The following QSOX2 variants were observed in gnomAD, a reference collection of about 807,000 sequenced individuals.
QSOX2 encodes the protein sulfhydryl oxidase 2.
In QSOX2, 46 loss-of-function variants were observed where a neutral mutation model predicts 61.7. That is an observed-to-expected ratio of 0.75 (90% confidence interval 0.59 to 0.95). The LOEUF (loss-of-function observed/expected upper bound fraction) is 0.95. Ranked by LOEUF, QSOX2 falls within the 40% of genes least tolerant of loss-of-function variation. QSOX2 has a pLI of 0.00. For synonymous variants in QSOX2, 383 were observed against 388.4 expected, an observed-to-expected ratio of 0.99 and a Z score of 0.16; for missense variants, 879 against 918.9, an observed-to-expected ratio of 0.96 and a Z score of 0.56.
At chr9:136,238,189 T>C (rs1001058110) in intron 1 of QSOX2, among the ~76,000 whole-genome samples, 1 of 152,250 alleles carries the variant, frequency 6.6e-6, no homozygotes, top group Non-Finnish European at 1.5e-5. Context: ...TTTTGTCCTA[T>C]TTCCAGGTTT....
chr9:136,215,124 G>A, intron 10 of QSOX2, 30 bp downstream of exon 10: 3 of 1,601,196 alleles, frequency 1.9e-6, no homozygotes, highest in East Asian at 2.2e-5. Context: ...CAGACCATCG[G>A]CCCCTCTGGC....
intron 10 of QSOX2, among the ~76,000 whole-genome samples, chr9:136,214,572 C>G (rs1350386734): frequency 6.6e-6 from 1 of 152,226 alleles, no homozygotes; most frequent in Non-Finnish European, 1.5e-5. Flanking sequence ...TGCAAGGAGG[C>G]AGGCCCTGCT....
At chr9:136,236,583 G>C (rs1310936094) in intron 1 of QSOX2, among the ~76,000 whole-genome samples, 1 of 152,250 alleles carries the variant, frequency 6.6e-6, no homozygotes, top group Non-Finnish European at 1.5e-5. Flanking sequence ...TGCGCCCCGA[G>C]ACTTACACGG....
In QSOX2 at chr9:136,209,088, A is replaced by G. The variant is rs752477270; in HGVS notation, c.1737T>C (p.Ser579=). 4 of 1,613,740 alleles carry G rather than the reference A, an allele frequency of 2.5e-6. No individual in the cohort carries two copies. In the African/African-American group the frequency reaches 4.0e-5, roughly 16 times the overall value. Residue 579 remains serine (S), a synonymous_variant, in exon 12 of 12, where the codon AGT becomes AGC. Transcript: ENST00000358701. The surrounding 1 kb of genome is among the most constrained non-coding windows in gnomAD (Gnocchi z 5.6). ...CACCCCTGGCCAGGGTTCCTCCTTC[A>G]CTGGAATCCCCCTGGTCTGCGGAAT... ...DTYSADQGDS[S]EGGTLARGEE... is the part of the protein sequence containing the mutation.
chr9:136,238,532 C>A (rs1830409089), intron 1 of QSOX2, among the ~76,000 whole-genome samples: 1 of 152,228 alleles, frequency 6.6e-6, no homozygotes, highest in East Asian at 1.9e-4. Flanking sequence ...CTCATTCCCG[C>A]CTCGCAATCC....
At chr9:136,215,808 G>A (rs973247233) in intron 9 of QSOX2, among the ~76,000 whole-genome samples, 3 of 152,210 alleles carry the variant, frequency 2.0e-5, no homozygotes, top group African/African-American at 4.8e-5. Flanking sequence ...GTTTGGTTTC[G>A]TGTCTCATCA....
In QSOX2 at chr9:136,224,026, G is replaced by A; in HGVS notation, c.565C>T (p.Pro189Ser). Reference protein sequence around the residue: ...HTEGSRPPACPRLDPIQPSDV... With the variant: ...HTEGSRPPACSRLDPIQPSDV... ...ACTCACTGAATGGGGTCTAGGCGCG[G>A]GCAGGCAGGGGGCCGGCTTCCTTCC... The change falls in exon 4 of 12, where the codon CCG becomes TCG. Residue 189 changes from proline to serine, a missense_variant. By Grantham distance (74) the Pro-to-Ser change is moderately conservative (BLOSUM62 -1). Transcript: ENST00000358701. 6.2e-7 allele frequency: 1 copy of A among 1,613,960 alleles called. No homozygotes were observed. The highest frequency in any genetic ancestry group is 8.5e-7 in the Non-Finnish European group (1 of 1,179,940).
intron 6 of QSOX2, among the ~76,000 whole-genome samples, chr9:136,220,746 T>C (rs1202005065): frequency 1.3e-5 from 2 of 152,146 alleles, no homozygotes; most frequent in African/African-American, 4.8e-5. Flanking sequence ...AGTCTGACTC[T>C]GTCGCCCAGG....
At chr9:136,227,420 T>C (rs1830292571) in intron 1 of QSOX2, among the ~76,000 whole-genome samples, 1 of 152,204 alleles carries the variant, frequency 6.6e-6, no homozygotes, top group Non-Finnish European at 1.5e-5. Flanking sequence ...GGAACACCTA[T>C]GCCATTTTGG....
rs1831818955 is a variant in QSOX2 at position 136,209,374 on chromosome 9, C to A, written c.1550-99G>T. 1.3e-6 allele frequency: 2 copies of A among 1,533,384 alleles called. No homozygotes were observed. The highest frequency in any genetic ancestry group is 2.8e-5 in the African/African-American group (2 of 72,622). 95.0% of individuals were successfully genotyped at this position (1,533,384 alleles called of 1,614,324 possible). A position where few individuals can be genotyped will look rare whatever the true frequency, so the allele number is the denominator to read the frequency against. Reference sequence around the variant, plus strand: ...GACTCCCACTCCCACCCACCACGGGCCTCCACTGCCCTGGCCCAGGGTCCT... The same window carrying A: ...GACTCCCACTCCCACCCACCACGGGACTCCACTGCCCTGGCCCAGGGTCCT... On this transcript the variant is annotated intron_variant, in intron 11 of 11. Coordinates refer to ENST00000358701, the MANE Select transcript of QSOX2 (RefSeq NM_181701.4). The surrounding 1 kb of genome is among the most constrained non-coding windows in gnomAD (Gnocchi z 5.6).
rs763184376 is a variant in QSOX2, at chr9:136,216,634, T to C, written c.1175A>G (p.Asn392Ser). 6.2e-7 allele frequency: 1 copy of C among 1,613,840 alleles called. No individual in the cohort carries two copies. The highest frequency in any genetic ancestry group is 1.1e-5 in the South Asian group (1 of 91,082). ...ASLPLDRIPY[N>S]AVLDLVNNKM... ...GTTGTTGACCAGGTCAAGCACGGCG[T>C]TGTAGGGGATCCTGTCCAGGGGAAG... The change falls in exon 9 of 12, where the codon AAC becomes AGC. Residue 392 changes from asparagine (N) to serine (S), a missense_variant. Transcript: ENST00000358701.
intron 3 of QSOX2, 87 bp downstream of exon 3, chr9:136,224,762 TGACCCAGGCTGG>T (rs1236744456): frequency 2.2e-5 from 15 of 696,228 alleles, no homozygotes; most frequent in Admixed American, 2.0e-4. Flanking sequence ...GGAAAGGTGC[TGACCCAGGCTGG>T]GAGCTCCCCA....
chr9:136,218,742 G>A lies in QSOX2; in HGVS notation c.1023C>T (p.Ala341=). 1.2e-6 allele frequency: 2 copies of A among 1,613,672 alleles called. No homozygotes were observed. The highest frequency in any genetic ancestry group is 1.7e-6 in the Non-Finnish European group (2 of 1,180,016). ...GCTCTGCTCCGGCCAGGGACTTGTG[G>A]GCTGCCAGCTCCACCCGCAGGAGGT... ...LHYLLRVELA[A]HKSLAGAELK... The change falls in exon 8 of 12, where the codon GCC becomes GCT. Residue 341 remains alanine, a synonymous_variant. Transcript: ENST00000358701.
intron 6 of QSOX2, among the ~76,000 whole-genome samples, chr9:136,219,401 G>C (rs1184640889): frequency 1.3e-5 from 2 of 152,248 alleles, no homozygotes; most frequent in Non-Finnish European, 2.9e-5. Flanking sequence ...GTTGTAATAA[G>C]TACTATGACT....
At position 136,234,800 on chromosome 9, in the gene QSOX2, A is replaced by G. The variant is rs867738813; in HGVS notation, c.329-7926T>C. Among the ~76,000 whole-genome samples the G allele has an allele frequency of 3.5e-4, 45 of 128,124 alleles. 1 individual carries two copies. The Middle Eastern group carries it at 0.012, about 33-fold the overall frequency. The allele number at this position is 128,124 out of a possible 152,430, so 84.1% of individuals were successfully genotyped here. On this transcript the variant is annotated intron_variant, in intron 1 of 11. Coordinates refer to ENST00000358701, the MANE Select transcript of QSOX2 (RefSeq NM_181701.4). ...CCCCAGCCTCATCGCGCCACACCCCAGCTTGGGAGCAAGGCTGGTCTCCAC... is the reference window on the plus strand; with the variant it reads ...CCCCAGCCTCATCGCGCCACACCCCGGCTTGGGAGCAAGGCTGGTCTCCAC...
chr9:136,215,897 G>C (rs1831906299), intron 9 of QSOX2, among the ~76,000 whole-genome samples: 1 of 152,218 alleles, frequency 6.6e-6, no homozygotes, highest in African/African-American at 2.4e-5. Flanking sequence ...ACGTGAGAGT[G>C]CTCCCATGAC....
In QSOX2 at chr9:136,216,808, A is replaced by G. The variant is rs1831919689; in HGVS notation, c.1087-86T>C. On this transcript the variant is annotated intron_variant, in intron 8 of 11. Coordinates refer to ENST00000358701, the MANE Select transcript of QSOX2 (RefSeq NM_181701.4). ...GGGGGGCACCGCACCTCCAAAGAGAAGCACTCCATCCGCAGAGGGGCTGAA... is the reference window on the plus strand; with the variant it reads ...GGGGGGCACCGCACCTCCAAAGAGAGGCACTCCATCCGCAGAGGGGCTGAA... The G allele has an allele frequency of 3.3e-6, 5 of 1,527,202 alleles. No individual in the cohort carries two copies. The African/African-American group carries it at 5.5e-5, about 17-fold the overall frequency. 94.6% of individuals were successfully genotyped at this position (1,527,202 alleles called of 1,614,324 possible).
In QSOX2 at chr9:136,215,170, A is replaced by G. The variant is rs761096712; in HGVS notation, c.1344T>C (p.Asp448=). 19 of 1,613,832 alleles carry G rather than the reference A, an allele frequency of 1.2e-5. No homozygotes were observed. The highest frequency in any genetic ancestry group is 1.5e-5 in the Non-Finnish European group (18 of 1,179,998). ...ACAGCTTACCTGTGCCAACCAGTGC[A>G]TCTGGGTGGGTCGAGGCTTCAACAG... The part of the protein sequence containing the change: ...TLTVEASTHP[D]ALVGTGFEDD... Residue 448 remains aspartate (D), a synonymous_variant, in exon 10 of 12, where the codon GAT becomes GAC. Coordinates refer to ENST00000358701, the MANE Select transcript of QSOX2 (RefSeq NM_181701.4).
chr9:136,208,942 CTG>C lies in QSOX2; in HGVS notation c.1881_1882del (p.His627GlnfsTer28), dbSNP rs766622396. On this transcript the variant is annotated frameshift_variant, in exon 12 of 12. Coordinates refer to ENST00000358701, the MANE Select transcript of QSOX2 (RefSeq NM_181701.4). LOFTEE classifies it low-confidence loss of function (END_TRUNC). ...CAGACTCTGGAGTTTCCCGTCCAAG[CTG>C]TGATGCAAGCTCTCTGGAAGGGCAG... The C allele has an allele frequency of 9.9e-6, 16 of 1,613,582 alleles. No homozygotes were observed. The highest frequency in any genetic ancestry group is 8.5e-7 in the Non-Finnish European group (1 of 1,179,818).
Sources: gnomAD v4.1 joint callset for allele counts (sites outside exome capture counted in the v4.1 genomes callset) on GRCh38, gnomAD v4.1.1 for gene constraint, Gnocchi (gnomAD v3.1) non-coding constraint, MANE v1.5 for transcripts, NCBI Gene and HGNC (gene_info 2026-07-23, HGNC 2026-07-21) for gene names.